CBFA2T2: variants seen among roughly 807,000 people sequenced by gnomAD.
CBFA2T2 encodes protein CBFA2T2.
CBFA2T2 carries 11 observed loss-of-function variants against 62.2 expected under a neutral mutation model. That is an observed-to-expected ratio of 0.18 (90% CI 0.11 to 0.29). CBFA2T2 has a LOEUF of 0.29. Ranked by LOEUF, CBFA2T2 falls within the 10% of genes least tolerant of loss-of-function variation. The pLI is 1.00. For synonymous variants in CBFA2T2, 295 were observed against 287.5 expected, an observed-to-expected ratio of 1.03 and a Z score of -0.27; for missense variants, 592 against 774.1, an observed-to-expected ratio of 0.76 and a Z score of 2.79.
At chr20:33,549,520 T>G (rs1419289201) in intron 1 of CBFA2T2, among the ~76,000 whole-genome samples, 1 of 152,160 alleles carries the variant, frequency 6.6e-6, no homozygotes, top group Non-Finnish European at 1.5e-5. Context: ...ATCCTTTCAT[T>G]TATGTGAAAT....
At chr20:33,513,795 C>T (rs1268403503) in intron 1 of CBFA2T2, among the ~76,000 whole-genome samples, 5 of 107,720 alleles carry the variant, frequency 4.6e-5, no homozygotes, top group African/African-American at 1.8e-4. Flanking sequence ...GGCCGGGTGA[C>T]AGAGTAAGAC....
intron 5 of CBFA2T2, chr20:33,623,860 A>G (rs2016098737): frequency 1.4e-6 from 1 of 717,718 alleles, no homozygotes; most frequent in Non-Finnish European, 2.6e-6. Context: ...ACCCGGTAAG[A>G]AACTCTACTC....
intron 10 of CBFA2T2, among the ~76,000 whole-genome samples, chr20:33,642,105 C>CTTTTTT (rs576434212): frequency 4.1e-5 from 3 of 73,920 alleles, no homozygotes; most frequent in Non-Finnish European, 9.0e-5. Context: ...CCTCCTTTGT[C>CTTTTTT]TTTTTTTTTT....
At chr20:33,630,074 A>G (rs1432188918) in intron 8 of CBFA2T2, among the ~76,000 whole-genome samples, 160 bp downstream of exon 8, 1 of 152,138 alleles carries the variant, frequency 6.6e-6, no homozygotes, top group African/African-American at 2.4e-5. Context: ...GAGAAAATAT[A>G]TGAAGCCCCT....
At chr20:33,520,870 ATTTG>A (rs1293405918) in intron 1 of CBFA2T2, among the ~76,000 whole-genome samples, 4 of 151,572 alleles carry the variant, frequency 2.6e-5, no homozygotes, top group South Asian at 2.1e-4. Context: ...GTTTTCGTTT[ATTTG>A]TTCAGGAAAT....
chr20:33,549,985 T>A (rs1459332983), intron 1 of CBFA2T2, among the ~76,000 whole-genome samples: 1 of 152,100 alleles, frequency 6.6e-6, no homozygotes, highest in Non-Finnish European at 1.5e-5. Flanking sequence ...AGCATCCTTC[T>A]TTGTTTTAAG....
chr20:33,640,206 T>C, intron 9 of CBFA2T2, 135 bp from the exon 10 acceptor site: 1 of 817,020 alleles, frequency 1.2e-6, no homozygotes. Context: ...CACATGAGTG[T>C]GAAGATCATG....
chr20:33,616,849 C>T lies in CBFA2T2; in HGVS notation c.421-2668C>T, dbSNP rs561008717. Among the ~76,000 whole-genome samples the T allele has an allele frequency of 2.0e-5, 3 of 152,304 alleles. No individual in the cohort carries two copies. The South Asian group carries it at 6.2e-4, about 32-fold the overall frequency. On this transcript the variant is annotated intron_variant, in intron 3 of 10. Coordinates refer to ENST00000342704, the MANE Select transcript of CBFA2T2 (RefSeq NM_001032999.3). ...GCATCTTACCTCTCAACGTTCTTCT[C>T]TCTGCTCTGACACATCTTTCCCAAA...
At chr20:33,501,400 A>T (rs947391438) in intron 1 of CBFA2T2, among the ~76,000 whole-genome samples, 9 of 152,084 alleles carry the variant, frequency 5.9e-5, no homozygotes, top group African/African-American at 2.2e-4. Flanking sequence ...AACAACACAG[A>T]TTTATTCATT....
At chr20:33,536,595 G>C (rs1363494377) in intron 1 of CBFA2T2, among the ~76,000 whole-genome samples, 1 of 149,594 alleles carries the variant, frequency 6.7e-6, no homozygotes, top group African/African-American at 2.5e-5. Context: ...GCTGCCGGGC[G>C]GAGGGGCTCC....
chr20:33,642,980 A>G (rs1001647431), intron 10 of CBFA2T2, among the ~76,000 whole-genome samples: 1 of 152,224 alleles, frequency 6.6e-6, no homozygotes, highest in African/African-American at 2.4e-5. Flanking sequence ...AATCACTTTC[A>G]AAAGCAGGGA....
At chr20:33,562,627 A>G in intron 1 of CBFA2T2, 1 of 985,566 alleles carries the variant, frequency 1.0e-6, no homozygotes, top group South Asian at 4.7e-5. Context: ...TTTCAAATAA[A>G]TTTGGTGTAT....
chr20:33,625,154 A>G lies in CBFA2T2; in HGVS notation c.946+137A>G. Reference sequence around the variant, plus strand: ...ATATTATACATAGACTATTAGAATCATAGTTGATCTTATTTGATATCAATC... The same window carrying G: ...ATATTATACATAGACTATTAGAATCGTAGTTGATCTTATTTGATATCAATC... On this transcript the variant is annotated intron_variant, in intron 6 of 10. Transcript: ENST00000342704. 4.8e-6 allele frequency: 4 copies of G among 840,064 alleles called. No individual in the cohort carries two copies. In the South Asian group the frequency reaches 7.2e-5, roughly 15 times the overall value. 52.0% of individuals were successfully genotyped at this position (840,064 alleles called of 1,614,324 possible). A position where few individuals can be genotyped will look rare whatever the true frequency, so the allele number is the denominator to read the frequency against.
chr20:33,554,255 C>CT (rs760696196), intron 1 of CBFA2T2, among the ~76,000 whole-genome samples: 415 of 131,938 alleles, frequency 3.1e-3, no homozygotes, highest in African/African-American at 6.0e-3. Flanking sequence ...TTACTTTTTT[C>CT]TTTTTTTTTT....
At chr20:33,640,670 A>G (rs2016798942) in intron 10 of CBFA2T2, 139 bp downstream of exon 10, 1 of 718,560 alleles carries the variant, frequency 1.4e-6, no homozygotes, top group Non-Finnish European at 2.3e-6. Context: ...CAGTGCCAGG[A>G]GAGTTTTGGT....
Position 33,607,029 on chromosome 20 carries a change from T to C in CBFA2T2, c.108T>C (p.Pro36=), listed in dbSNP as rs1179781577. 6.2e-7 allele frequency: 1 copy of C among 1,613,840 alleles called. No homozygotes were observed. The highest frequency in any genetic ancestry group is 2.2e-5 in the East Asian group (1 of 44,878). ...VEVKIQSRSS[P]PTMPPLPPIN... ...TGAAGATACAGTCCAGATCCTCACC[T>C]CCCACCATGCCACCCCTCCCACCAA... Residue 36 remains proline (P), a synonymous_variant, in exon 2 of 11, where the codon CCT becomes CCC. Transcript: ENST00000342704.
At chr20:33,543,825 AAATT>A (rs766978768) in intron 1 of CBFA2T2, among the ~76,000 whole-genome samples, 6 of 151,020 alleles carry the variant, frequency 4.0e-5, no homozygotes, top group South Asian at 2.1e-4. Context: ...AAATTAAATT[AAATT>A]AATTAATTAA....
At chr20:33,627,579 T>C (rs760268438) in intron 6 of CBFA2T2, among the ~76,000 whole-genome samples, 5 of 152,196 alleles carry the variant, frequency 3.3e-5, no homozygotes, top group African/African-American at 4.8e-5. Context: ...TCAAGTGATC[T>C]ACCTGTGTCA....
chr20:33,551,129 G>C (rs1363973005), intron 1 of CBFA2T2, among the ~76,000 whole-genome samples: 1 of 152,096 alleles, frequency 6.6e-6, no homozygotes. Flanking sequence ...CATTTGAGTA[G>C]AGTAACTGTA....
Sources: gnomAD v4.1 joint callset for allele counts (sites outside exome capture counted in the v4.1 genomes callset) on GRCh38, gnomAD v4.1.1 for gene constraint, MANE v1.5 for transcripts, NCBI Gene and HGNC (gene_info 2026-07-23, HGNC 2026-07-21) for gene names.